The following PITPNB variants were observed in gnomAD, a reference collection of about 807,000 sequenced individuals.
The protein encoded by PITPNB is phosphatidylinositol transfer protein beta.
PITPNB carries 16 observed loss-of-function variants against 45.9 expected under a neutral mutation model. The ratio of observed to expected loss-of-function variants is 0.35; its 90% CI spans 0.24 to 0.53. The LOEUF is 0.53. PITPNB is among the 20% of genes least tolerant of loss of function. The pLI is 0.93. For synonymous variants in PITPNB, 112 were observed against 108.9 expected (o/e 1.03, Z -0.18); for missense variants, 188 against 330.5 (o/e 0.57, Z 3.34).
intron 5 of PITPNB, 25 bp from the exon 6 acceptor site, chr22:27,896,651 G>T (rs748663491): frequency 1.3e-5 from 19 of 1,500,936 alleles, no homozygotes; most frequent in Non-Finnish European, 1.7e-5. Context: ...ACAGGAAAAT[G>T]ACAGTGATCT....
chr22:27,892,588 C>G, intron 7 of PITPNB, among the ~76,000 whole-genome samples: 1 of 152,172 alleles, frequency 6.6e-6, no homozygotes, highest in Non-Finnish European at 1.5e-5. Context: ...CTGTCCTGAC[C>G]TAGTCATTAA....
At chr22:27,892,753 G>A (rs546013959) in intron 7 of PITPNB, among the ~76,000 whole-genome samples, 1 of 152,114 alleles carries the variant, frequency 6.6e-6, no homozygotes, top group Non-Finnish European at 1.5e-5. Context: ...AATGTCAAAG[G>A]TGGAAATATC....
intron 7 of PITPNB, among the ~76,000 whole-genome samples, chr22:27,874,145 T>C (rs901456527): frequency 1.3e-5 from 2 of 152,228 alleles, no homozygotes; most frequent in African/African-American, 4.8e-5. Flanking sequence ...TTTTGATATA[T>C]GGATAATCAC....
chr22:27,910,902 T>C (rs1569035642), intron 3 of PITPNB, 62 bp downstream of exon 3: 3 of 1,175,470 alleles, frequency 2.6e-6, no homozygotes, highest in Non-Finnish European at 3.8e-6. Context: ...TTAAGTTAGC[T>C]AGTTACATGC....
chr22:27,912,615 C>A (rs1429460210), intron 2 of PITPNB, among the ~76,000 whole-genome samples: 1 of 151,734 alleles, frequency 6.6e-6, no homozygotes, highest in African/African-American at 2.4e-5. Context: ...AGTTTTCTCT[C>A]ATTCTCCTTT....
At chr22:27,889,198 A>G (rs1210971935) in intron 7 of PITPNB, among the ~76,000 whole-genome samples, 2 of 152,168 alleles carry the variant, frequency 1.3e-5, no homozygotes, top group East Asian at 1.9e-4. Context: ...AGAAACTCTT[A>G]GGATTATGTG....
intron 7 of PITPNB, among the ~76,000 whole-genome samples, chr22:27,893,722 C>T (rs1327651248): frequency 6.6e-6 from 1 of 150,926 alleles, no homozygotes; most frequent in Non-Finnish European, 1.5e-5. Context: ...CCTCATGTAG[C>T]TGGAATTACA....
At chr22:27,895,503 T>C (rs1466893689) in intron 6 of PITPNB, among the ~76,000 whole-genome samples, 5 of 151,512 alleles carry the variant, frequency 3.3e-5, no homozygotes, top group African/African-American at 7.3e-5. Flanking sequence ...GGCAGGAGAA[T>C]TGCTTGAACC....
rs150080326 is a variant in PITPNB at position 27,886,698 on chromosome 22, T to C, written c.456+7857A>G. The stretch of plus-strand genomic sequence containing the variant: ...TGAATTAAAATATTTGGGGCTGCAT[T>C]TGTATTACATTCACCTGCAGTGACA... On this transcript the variant is annotated intron_variant, in intron 7 of 11. Coordinates refer to ENST00000335272, the MANE Select transcript of PITPNB (RefSeq NM_012399.5). Among the ~76,000 whole-genome samples the C allele has an allele frequency of 5.3e-5, 8 of 152,314 alleles. No homozygotes were observed. The East Asian group carries it at 1.2e-3, about 22-fold the overall frequency.
chr22:27,898,072 A>G, intron 3 of PITPNB, 180 bp from the exon 4 acceptor site: 1 of 569,984 alleles, frequency 1.8e-6, no homozygotes, highest in Non-Finnish European at 3.1e-6. Context: ...TACATTTTAA[A>G]TAAAAATGAT....
chr22:27,854,664 A>C (rs1480117544), intron 11 of PITPNB, among the ~76,000 whole-genome samples, 190 bp downstream of exon 11: 1 of 152,238 alleles, frequency 6.6e-6, no homozygotes, highest in Non-Finnish European at 1.5e-5. Context: ...TACTAAATTC[A>C]ACCTGGTCCA....
chr22:27,867,079 G>T (rs1934505832), intron 8 of PITPNB, among the ~76,000 whole-genome samples: 1 of 152,144 alleles, frequency 6.6e-6, no homozygotes, highest in Non-Finnish European at 1.5e-5. Context: ...GTAAATACAT[G>T]GGAAGTCCAA....
At chr22:27,861,796 G>A (rs529888335) in intron 8 of PITPNB, among the ~76,000 whole-genome samples, 6 of 152,284 alleles carry the variant, frequency 3.9e-5, no homozygotes, top group Admixed American at 6.5e-5. Flanking sequence ...GAGGTTGTGC[G>A]GACTGAGTAA....
At chr22:27,898,358 G>C (rs1935492119) in intron 3 of PITPNB, among the ~76,000 whole-genome samples, 1 of 151,052 alleles carries the variant, frequency 6.6e-6, no homozygotes, top group Admixed American at 6.6e-5. Context: ...CTGGGCAAAA[G>C]AGCAAGACCT....
intron 8 of PITPNB, among the ~76,000 whole-genome samples, chr22:27,864,355 A>C (rs979951488): frequency 2.6e-5 from 4 of 152,256 alleles, no homozygotes; most frequent in African/African-American, 9.6e-5. Context: ...AATGTCGTAC[A>C]TTAACCTAAA....
chr22:27,886,120 T>C (rs947450132), intron 7 of PITPNB, among the ~76,000 whole-genome samples: 4 of 152,198 alleles, frequency 2.6e-5, no homozygotes, highest in African/African-American at 9.7e-5. Flanking sequence ...TCTTAAAGGA[T>C]ATAACAACTT....
intron 7 of PITPNB, among the ~76,000 whole-genome samples, chr22:27,880,230 G>A (rs1934930476): frequency 6.6e-6 from 1 of 152,056 alleles, no homozygotes; most frequent in South Asian, 2.1e-4. Context: ...ATCCTTTATT[G>A]AAAAAATGTG....
At chr22:27,892,258 G>C (rs188398798) in intron 7 of PITPNB, among the ~76,000 whole-genome samples, 1 of 152,148 alleles carries the variant, frequency 6.6e-6, no homozygotes, top group South Asian at 2.1e-4. Flanking sequence ...GGGCCTCCAC[G>C]GTTCTTGTGC....
At chr22:27,909,072 T>C (rs1394895270) in intron 3 of PITPNB, among the ~76,000 whole-genome samples, 3 of 151,972 alleles carry the variant, frequency 2.0e-5, no homozygotes, top group Non-Finnish European at 4.4e-5. Flanking sequence ...CCACAAAACA[T>C]GAGTATGATT....
Sources: gnomAD v4.1 joint callset for allele counts (sites outside exome capture counted in the v4.1 genomes callset) on GRCh38, gnomAD v4.1.1 for gene constraint, MANE v1.5 for transcripts, NCBI Gene and HGNC (gene_info 2026-07-23, HGNC 2026-07-21) for gene names.